Variants in GSTCD observed in about 807,000 individuals in gnomAD.
GSTCD encodes glutathione S-transferase C-terminal domain containing.
In GSTCD, 44 loss-of-function variants were observed where a neutral mutation model predicts 68.3. The observed-to-expected ratio is 0.64, with a 90% CI of 0.51 to 0.83. GSTCD has a LOEUF of 0.83. Among genes scored for constraint, GSTCD ranks in the 40% least tolerant of loss-of-function variants. GSTCD has a pLI of 0.00. For missense variants in GSTCD, 739 were observed against 735.9 expected, an observed-to-expected ratio of 1.00 and a Z score of -0.05; for synonymous variants, 273 against 255.2, an observed-to-expected ratio of 1.07 and a Z score of -0.67.
intron 5 of GSTCD, among the ~76,000 whole-genome samples, chr4:105,814,517 C>T (rs1431545772): frequency 6.6e-6 from 1 of 152,066 alleles, no homozygotes; most frequent in Non-Finnish European, 1.5e-5. Flanking sequence ...GAGGCTGAGG[C>T]AGGAGAATTG....
chr4:105,840,215 T>C (rs1424599079), intron 10 of GSTCD: 1 of 455,556 alleles, frequency 2.2e-6, no homozygotes, highest in Non-Finnish European at 4.4e-6. Context: ...GCCTTGACAT[T>C]ACCATTATAT....
At chr4:105,784,124 G>C (rs1735379078) in intron 5 of GSTCD, among the ~76,000 whole-genome samples, 1 of 152,184 alleles carries the variant, frequency 6.6e-6, no homozygotes, top group Non-Finnish European at 1.5e-5. Context: ...GTAATTTGTG[G>C]TAGTCTGAGA....
chr4:105,804,962 G>C (rs906705769), intron 5 of GSTCD, among the ~76,000 whole-genome samples: 2 of 152,062 alleles, frequency 1.3e-5, no homozygotes, highest in African/African-American at 4.8e-5. Context: ...TCCCTGCAAA[G>C]GACATGGTCT....
At chr4:105,778,879 CT>C (rs1279118548) in intron 5 of GSTCD, among the ~76,000 whole-genome samples, 2 of 152,026 alleles carry the variant, frequency 1.3e-5, no homozygotes, top group Non-Finnish European at 2.9e-5. Context: ...GACATCTTTA[CT>C]TTATTTCTCT....
intron 5 of GSTCD, among the ~76,000 whole-genome samples, chr4:105,808,320 G>C (rs1304486757): frequency 6.6e-6 from 1 of 151,950 alleles, no homozygotes; most frequent in Non-Finnish European, 1.5e-5. Flanking sequence ...TAATTGCTCA[G>C]GCTCAGAACT....
At chr4:105,799,725 A>G (rs1199531434) in intron 5 of GSTCD, among the ~76,000 whole-genome samples, 1 of 151,970 alleles carries the variant, frequency 6.6e-6, no homozygotes, top group Non-Finnish European at 1.5e-5. Flanking sequence ...AGTTTGGTGT[A>G]TTATGAGAAT....
chr4:105,741,077 A>C (rs1259192934), intron 5 of GSTCD, among the ~76,000 whole-genome samples: 1 of 152,118 alleles, frequency 6.6e-6, no homozygotes, highest in East Asian at 1.9e-4. Context: ...CTTAAGTTTT[A>C]TATTTAGCCA....
chr4:105,833,469 A>AG (rs1443256119), intron 8 of GSTCD, among the ~76,000 whole-genome samples: 2 of 152,158 alleles, frequency 1.3e-5, no homozygotes, highest in Non-Finnish European at 2.9e-5. Context: ...GTCTCAAAAA[A>AG]AAAAAAAAGT....
chr4:105,765,325 C>G (rs1043694979), intron 5 of GSTCD, among the ~76,000 whole-genome samples: 3 of 152,164 alleles, frequency 2.0e-5, no homozygotes, highest in African/African-American at 7.2e-5. Context: ...ATGTGCATTC[C>G]TAATAACTCC....
At chr4:105,754,268 A>T (rs1407201995) in intron 5 of GSTCD, among the ~76,000 whole-genome samples, 2 of 152,168 alleles carry the variant, frequency 1.3e-5, no homozygotes, top group Non-Finnish European at 2.9e-5. Flanking sequence ...ATGCAATAAC[A>T]ATAGCTCACA....
chr4:105,734,975 G>A (rs1578420682), intron 5 of GSTCD, among the ~76,000 whole-genome samples: 1 of 152,234 alleles, frequency 6.6e-6, no homozygotes, highest in Non-Finnish European at 1.5e-5. Context: ...GGTATCAGCA[G>A]TGTAGGCTGC....
intron 5 of GSTCD, among the ~76,000 whole-genome samples, chr4:105,743,140 CG>C (rs1168803040): frequency 1.3e-5 from 2 of 151,620 alleles, no homozygotes; most frequent in African/African-American, 2.4e-5. Flanking sequence ...TTAGTAGAGA[CG>C]GGGTTTCACC....
At chr4:105,796,073 C>T (rs1007644887) in intron 5 of GSTCD, among the ~76,000 whole-genome samples, 9 of 152,096 alleles carry the variant, frequency 5.9e-5, no homozygotes, top group Admixed American at 2.0e-4. Context: ...AAGACATACC[C>T]GAGACTGGAT....
chr4:105,755,882 G>T (rs1734170030), intron 5 of GSTCD, among the ~76,000 whole-genome samples: 1 of 151,926 alleles, frequency 6.6e-6, no homozygotes, highest in Non-Finnish European at 1.5e-5. Context: ...TTCACAGCAG[G>T]TATGTATAGT....
intron 5 of GSTCD, among the ~76,000 whole-genome samples, chr4:105,784,727 A>T (rs1215373681): frequency 6.6e-6 from 1 of 152,166 alleles, no homozygotes; most frequent in Non-Finnish European, 1.5e-5. Flanking sequence ...CTTTATCTGT[A>T]TCAGGATAAA....
At chr4:105,747,664 A>G (rs902441091) in intron 5 of GSTCD, among the ~76,000 whole-genome samples, 1 of 152,206 alleles carries the variant, frequency 6.6e-6, no homozygotes, top group Admixed American at 6.5e-5. Flanking sequence ...GCTAACTATA[A>G]GAATGTCTAT....
chr4:105,732,957 C>T (rs910490726), intron 5 of GSTCD, among the ~76,000 whole-genome samples: 2 of 152,204 alleles, frequency 1.3e-5, no homozygotes, highest in African/African-American at 4.8e-5. Flanking sequence ...ACCCAGTAGT[C>T]ATTCAGGAGC....
chr4:105,715,218 C>T (rs1732647912), intron 1 of GSTCD, among the ~76,000 whole-genome samples: 1 of 152,092 alleles, frequency 6.6e-6, no homozygotes, highest in Non-Finnish European at 1.5e-5. Flanking sequence ...TTACAGATCT[C>T]ACTTTGTTTG....
intron 2 of GSTCD, among the ~76,000 whole-genome samples, chr4:105,718,758 A>T (rs893524306): frequency 6.6e-6 from 1 of 152,194 alleles, no homozygotes; most frequent in Non-Finnish European, 1.5e-5. Flanking sequence ...GAGCTCAAAT[A>T]GCAATGCTTT....
Sources: allele counts gnomAD v4.1 joint callset (sites outside exome capture counted in the v4.1 genomes callset), GRCh38; gene constraint gnomAD v4.1.1; transcripts MANE v1.5; gene names NCBI Gene and HGNC (gene_info 2026-07-23, HGNC 2026-07-21).